The following NEIL2 variants were observed in gnomAD, a reference collection of about 807,000 sequenced individuals.
The protein encoded by NEIL2 is endonuclease 8-like 2.
Under a neutral mutation model 22.2 loss-of-function variants are expected in NEIL2, and 23 were observed. The ratio of observed to expected loss-of-function variants is 1.04; its 90% CI spans 0.75 to 1.47. NEIL2 has a LOEUF of 1.47. Ranked by LOEUF, NEIL2 falls within the 40% of genes most tolerant of loss-of-function variation. NEIL2 has a pLI of 0.00. For missense variants in NEIL2, 583 were observed against 404.7 expected (o/e 1.44, Z -3.78); for synonymous variants, 229 against 164.8 (o/e 1.39, Z -2.99).
chr8:11,785,873 G>C (rs954695268), intron 4 of NEIL2, 90 bp from the exon 5 acceptor site: 8 of 1,185,772 alleles, frequency 6.7e-6, no homozygotes, highest in South Asian at 1.2e-5. Context: ...GGACATGGAA[G>C]AGCTGATTTC....
intron 2 of NEIL2, among the ~76,000 whole-genome samples, chr8:11,774,202 C>A (rs1803714289): frequency 6.6e-6 from 1 of 152,088 alleles, no homozygotes; most frequent in East Asian, 1.9e-4. Context: ...ATGTTAAACC[C>A]CATCTCTACT....
chr8:11,775,195 C>G (rs912608914), intron 2 of NEIL2, among the ~76,000 whole-genome samples: 22 of 152,252 alleles, frequency 1.4e-4, no homozygotes, highest in Admixed American at 3.9e-4. Context: ...CTGGACATCC[C>G]GTTGTTTCTA....
At chr8:11,782,982 A>T (rs960031729) in intron 3 of NEIL2, 69 of 617,870 alleles carry the variant, frequency 1.1e-4, no homozygotes, top group Non-Finnish European at 2.0e-4. Flanking sequence ...TGATGTGGGG[A>T]TGTGTGTATG....
Position 11,786,139 on chromosome 8 carries a change from G to T in NEIL2, c.865G>T (p.Glu289Ter), listed in dbSNP as rs1355496700. Reference protein sequence around the residue: ...RPQHTQVYQKEQCPAGHQVMK... With the variant: ...RPQHTQVYQK Reference sequence around the variant, plus strand: ...GCAGCACACACAGGTCTACCAGAAAGAACAGTGCCCTGCTGGCCACCAGGT... The same window carrying T: ...GCAGCACACACAGGTCTACCAGAAATAACAGTGCCCTGCTGGCCACCAGGT... The change falls in exon 5 of 5, where the codon GAA becomes TAA. Residue 289 changes from glutamate to a stop codon, truncating the protein, a stop_gained. Coordinates refer to ENST00000284503, the MANE Select transcript of NEIL2 (RefSeq NM_145043.4). LOFTEE classifies it low-confidence loss of function (END_TRUNC). The T allele has an allele frequency of 1.9e-6, 3 of 1,613,964 alleles. No individual in the cohort carries two copies. Among genetic ancestry groups the T allele is most frequent in the Admixed American group, 3.3e-5 (2 of 60,004 alleles).
At chr8:11,772,663 A>G (rs762377143) in intron 2 of NEIL2, among the ~76,000 whole-genome samples, 18 of 152,226 alleles carry the variant, frequency 1.2e-4, no homozygotes, top group African/African-American at 3.9e-4. Context: ...GCTCCTCGCC[A>G]GTATTGTGCC....
intron 4 of NEIL2, among the ~76,000 whole-genome samples, 188 bp from the exon 5 acceptor site, chr8:11,785,775 A>T (rs1804870924): frequency 6.6e-6 from 1 of 152,126 alleles, no homozygotes; most frequent in African/African-American, 2.4e-5. Flanking sequence ...TTTCATCTTC[A>T]CAGCAACCTT....
chr8:11,771,359 C>G (rs190073017), intron 1 of NEIL2, 87 bp from the exon 2 acceptor site: 1 of 1,545,596 alleles, frequency 6.5e-7, no homozygotes, highest in Non-Finnish European at 8.9e-7. Context: ...GCAAAAATGG[C>G]GGCATGGAGG....
intron 2 of NEIL2, among the ~76,000 whole-genome samples, chr8:11,772,436 C>T (rs1803539207): frequency 6.6e-6 from 1 of 152,228 alleles, no homozygotes; most frequent in Admixed American, 6.5e-5. Flanking sequence ...TTTCTCCCAA[C>T]TCTGCCCCTG....
intron 2 of NEIL2, among the ~76,000 whole-genome samples, chr8:11,772,345 C>G (rs746893612): frequency 1.3e-5 from 2 of 152,208 alleles, no homozygotes; most frequent in Admixed American, 6.5e-5. Context: ...GTCTTCTGAT[C>G]GATGAAACTG....
At position 11,786,242 on chromosome 8, in the gene NEIL2, C is replaced by A. The variant is rs201385939; in HGVS notation, c.968C>A (p.Ser323Ter). The A allele has an allele frequency of 8.1e-6, 13 of 1,612,676 alleles. No homozygotes were observed. The Admixed American group carries it at 2.0e-4, about 25-fold the overall frequency. ...TGCCCGCAGTGCCAGCCCCAGTTGT[C>A]AGAGGAGCCAGAGCAGTGCCAGTTC... ...WWCPQCQPQL[S>*]EEPEQCQFS Residue 323 changes from serine to a stop codon, truncating the protein, a stop_gained, in exon 5 of 5, where the codon TCA (serine) becomes TAA (stop). Coordinates refer to ENST00000284503, the MANE Select transcript of NEIL2 (RefSeq NM_145043.4). LOFTEE classifies it low-confidence loss of function (END_TRUNC).
intron 3 of NEIL2, among the ~76,000 whole-genome samples, chr8:11,780,937 CAT>C (rs1374130124): frequency 2.0e-5 from 3 of 152,106 alleles, no homozygotes; most frequent in African/African-American, 2.4e-5. Flanking sequence ...GTTTTTGTGA[CAT>C]GTGTTGCCAG....
At chr8:11,770,864 T>C (rs1803375440) in intron 1 of NEIL2, among the ~76,000 whole-genome samples, 1 of 152,116 alleles carries the variant, frequency 6.6e-6, no homozygotes, top group African/African-American at 2.4e-5. Context: ...TGTCTGTAGC[T>C]ATGCCGGGCT....
rs1803304502 is a variant in NEIL2, at chr8:11,770,105, G to C, written c.-233G>C. 1 of 152,152 alleles carries C rather than the reference G, an allele frequency of 6.6e-6. No homozygotes were observed. The highest frequency in any genetic ancestry group is 1.5e-5 in the Non-Finnish European group (1 of 68,036). The allele number at this position is 152,152 out of a possible 1,614,324, so 9.4% of individuals were successfully genotyped here. A position where few individuals can be genotyped will look rare whatever the true frequency, so the allele number is the denominator to read the frequency against. On this transcript the variant is annotated 5_prime_UTR_variant, in exon 1 of 5. Transcript: ENST00000284503. ...AGCTCCTCGGTAGCCCCCGGGCAGGGAGGGCCGGAGGGTGGGCGCGGCATC... is the reference window on the plus strand; with the variant it reads ...AGCTCCTCGGTAGCCCCCGGGCAGGCAGGGCCGGAGGGTGGGCGCGGCATC...
chr8:11,780,765 A>G (rs1377329252), intron 3 of NEIL2, among the ~76,000 whole-genome samples: 3 of 152,218 alleles, frequency 2.0e-5, no homozygotes, highest in Non-Finnish European at 2.9e-5. Flanking sequence ...CTCAGTGTCA[A>G]TTCCCAGAGG....
At position 11,779,646 on chromosome 8, in the gene NEIL2, G is replaced by C. The variant is rs766497491; in HGVS notation, c.187G>C (p.Gly63Arg). Residue 63 changes from glycine to arginine, a missense_variant, in exon 3 of 5, where the codon GGG (glycine) becomes CGG (arginine). Transcript: ENST00000284503. ...FLRFDLDEEM[G>R]PPGSSPTPEP... is the part of the protein sequence containing the mutation. The stretch of plus-strand genomic sequence containing the variant: ...TAGATTTGATCTAGATGAAGAAATG[G>C]GGCCCCCTGGCAGCAGCCCAACACC... The C allele has an allele frequency of 7.4e-6, 12 of 1,613,716 alleles. No homozygotes were observed. In the South Asian group the frequency reaches 1.3e-4, roughly 18 times the overall value.
chr8:11,785,711 G>T (rs1279113119), intron 4 of NEIL2, among the ~76,000 whole-genome samples: 1 of 152,186 alleles, frequency 6.6e-6, no homozygotes, highest in Non-Finnish European at 1.5e-5. Context: ...GCAGTCAGAT[G>T]CCCGATCCGT....
rs1804238310 is a variant in NEIL2 at position 11,779,773 on chromosome 8, C to T, written c.314C>T (p.Ala105Val). Reference protein sequence around the residue: ...QKTLDGSSRSAELVPQGEDDS... With the variant: ...QKTLDGSSRSVELVPQGEDDS... ...ACCCTTGATGGATCCTCACGGTCTG[C>T]AGAGCTCGTCCCCCAGGGCGAGGAT... Residue 105 changes from alanine to valine, a missense_variant, in exon 3 of 5, where the codon GCA becomes GTA. By Grantham distance (64) the Ala-to-Val change is moderately conservative (BLOSUM62 0). Transcript: ENST00000284503. The T allele has an allele frequency of 6.2e-7, 1 of 1,614,214 alleles. No individual in the cohort carries two copies. Among genetic ancestry groups the T allele is most frequent in the Non-Finnish European group, 8.5e-7 (1 of 1,180,042 alleles).
Position 11,779,759 on chromosome 8 carries a change from A to T in NEIL2, c.300A>T (p.Gly100=). The change falls in exon 3 of 5, where the codon GGA becomes GGT. Residue 100 remains glycine, a synonymous_variant. Coordinates refer to ENST00000284503, the MANE Select transcript of NEIL2 (RefSeq NM_145043.4). ...CCAGCGGGCAGAAGACCCTTGATGG[A>T]TCCTCACGGTCTGCAGAGCTCGTCC... The part of the protein sequence containing the change: ...GEPSGQKTLD[G]SSRSAELVPQ... 6.2e-7 allele frequency: 1 copy of T among 1,614,218 alleles called. No individual in the cohort carries two copies. The highest frequency in any genetic ancestry group is 8.5e-7 in the Non-Finnish European group (1 of 1,180,046).
In NEIL2 at chr8:11,786,610, G is replaced by A. The variant is rs908335142; in HGVS notation, c.*337G>A. 3 of 322,060 alleles carry A rather than the reference G, an allele frequency of 9.3e-6. No individual in the cohort carries two copies. Among genetic ancestry groups the A allele is most frequent in the Non-Finnish European group, 1.7e-5 (3 of 171,710 alleles). 20.0% of individuals were successfully genotyped at this position (322,060 alleles called of 1,614,324 possible). On this transcript the variant is annotated 3_prime_UTR_variant, in exon 5 of 5. Transcript: ENST00000284503. ...GGGAAATGGCTGTGCTCCCAACATA[G>A]CTTTGCAGATGATGTGGGTTTTTTT... is the stretch of plus-strand genomic sequence containing the variant.
Sources: allele counts gnomAD v4.1 joint callset (sites outside exome capture counted in the v4.1 genomes callset), GRCh38; gene constraint gnomAD v4.1.1; transcripts MANE v1.5; gene names NCBI Gene and HGNC (gene_info 2026-07-23, HGNC 2026-07-21).